Variants in PITPNC1 observed in about 807,000 individuals in gnomAD.
PITPNC1 encodes the protein phosphatidylinositol transfer protein cytoplasmic 1, also known as cytoplasmic phosphatidylinositol transfer protein 1.
A neutral mutation model predicts 44.7 loss-of-function variants in PITPNC1; 18 were observed. The observed-to-expected ratio is 0.40, with a 90% CI of 0.28 to 0.60. PITPNC1 has a LOEUF of 0.60. Among genes scored for constraint, PITPNC1 ranks in the 20% least tolerant of loss-of-function variants. The pLI is 0.39. For missense variants in PITPNC1, 290 were observed against 418.4 expected (o/e 0.69, Z 2.68); for synonymous variants, 141 against 149.6 (o/e 0.94, Z 0.42).
intron 1 of PITPNC1, among the ~76,000 whole-genome samples, chr17:67,465,569 T>G (rs2039414002): frequency 6.6e-6 from 1 of 152,152 alleles, no homozygotes; most frequent in Non-Finnish European, 1.5e-5. Flanking sequence ...TGGTAGGATC[T>G]TCATAGGATC....
Position 67,692,531 on chromosome 17 carries a change from T to C in PITPNC1, c.683-41T>C, listed in dbSNP as rs759665583. ...GTGATGAATCTATTTGCCTCTCTTA[T>C]AAATAACTGCTCGTTTTTCTTTCTG... On this transcript the variant is annotated intron_variant, in intron 8 of 8. Transcript: ENST00000581322. 4.1e-6 allele frequency: 6 copies of C among 1,457,342 alleles called. No homozygotes were observed. In the South Asian group the frequency reaches 4.7e-5, roughly 11 times the overall value. 90.3% of individuals were successfully genotyped at this position (1,457,342 alleles called of 1,614,324 possible).
At chr17:67,599,028 A>ATTTT (rs1415786986) in intron 5 of PITPNC1, among the ~76,000 whole-genome samples, 1 of 32,644 alleles carries the variant, frequency 3.1e-5, no homozygotes, top group African/African-American at 1.3e-4. Flanking sequence ...ATATATATAT[A>ATTTT]TATATATTTT....
chr17:67,405,459 T>TA (rs1445888348), intron 1 of PITPNC1, among the ~76,000 whole-genome samples: 1 of 152,078 alleles, frequency 6.6e-6, no homozygotes, highest in African/African-American at 2.4e-5. Context: ...GATTGTGGCT[T>TA]AAAAAACAAG....
chr17:67,666,622 G>A (rs1437791780), intron 6 of PITPNC1, among the ~76,000 whole-genome samples: 2 of 152,230 alleles, frequency 1.3e-5, no homozygotes, highest in South Asian at 2.1e-4. Flanking sequence ...GGAGGCCACC[G>A]TGGCAGCAGA....
rs116520426 is a variant in PITPNC1 at position 67,455,541 on chromosome 17, G to A, written c.49-77261G>A. 3.4e-3 allele frequency among the ~76,000 whole-genome samples: 520 copies of A among 152,084 alleles called. 1 individual carries two copies. Among genetic ancestry groups the A allele is most frequent in the African/African-American group, 0.012 (501 of 41,496 alleles). On this transcript the variant is annotated intron_variant, in intron 1 of 8. Coordinates refer to ENST00000581322, the MANE Select transcript of PITPNC1 (RefSeq NM_012417.4). The stretch of plus-strand genomic sequence containing the variant: ...GTTCAAGCGATTCTCCTGCCTCAGC[G>A]CCAGAGTAGCTGAGGTTACAGGTGC...
intron 6 of PITPNC1, among the ~76,000 whole-genome samples, chr17:67,655,322 G>A (rs895177626): frequency 5.3e-5 from 8 of 152,016 alleles, no homozygotes; most frequent in African/African-American, 1.9e-4. Context: ...ACTTTGGGAG[G>A]CCAAGATGAG....
chr17:67,625,454 C>T (rs1247528105), intron 5 of PITPNC1, among the ~76,000 whole-genome samples: 1 of 152,160 alleles, frequency 6.6e-6, no homozygotes, highest in East Asian at 1.9e-4. Flanking sequence ...CTGGCAGCTG[C>T]ACCTGCCACC....
At chr17:67,581,213 G>T (rs937196806) in intron 5 of PITPNC1, among the ~76,000 whole-genome samples, 1 of 152,126 alleles carries the variant, frequency 6.6e-6, no homozygotes, top group African/African-American at 2.4e-5. Flanking sequence ...CAGGTTTTTT[G>T]ACTACTCTCC....
intron 1 of PITPNC1, among the ~76,000 whole-genome samples, chr17:67,502,105 T>C (rs1162139935): frequency 5.9e-5 from 9 of 152,200 alleles, no homozygotes; most frequent in Admixed American, 5.9e-4. Flanking sequence ...ATTAGATGTG[T>C]CTTCGTGTTC....
At chr17:67,591,076 G>A (rs951874735) in intron 5 of PITPNC1, among the ~76,000 whole-genome samples, 1 of 152,156 alleles carries the variant, frequency 6.6e-6, no homozygotes, top group African/African-American at 2.4e-5. Context: ...GAAATGATAT[G>A]ATGTGCTGAA....
At chr17:67,450,087 A>G (rs2039154081) in intron 1 of PITPNC1, among the ~76,000 whole-genome samples, 1 of 152,224 alleles carries the variant, frequency 6.6e-6, no homozygotes, top group Non-Finnish European at 1.5e-5. Context: ...CAAGTCACAT[A>G]AACAACACTT....
At chr17:67,389,100 C>A (rs531563306) in intron 1 of PITPNC1, among the ~76,000 whole-genome samples, 2 of 152,304 alleles carry the variant, frequency 1.3e-5, no homozygotes, top group East Asian at 3.9e-4. Context: ...GAGTTGTCTT[C>A]AGGGTTCACA....
At chr17:67,650,079 C>G (rs568251686) in intron 6 of PITPNC1, among the ~76,000 whole-genome samples, 376 of 152,240 alleles carry the variant, frequency 2.5e-3, no homozygotes, top group Admixed American at 8.2e-3. Context: ...TGACCAGAGC[C>G]ATCTTGAGGC....
rs2040139724 is a variant in PITPNC1 at position 67,508,749 on chromosome 17, G to A, written c.49-24053G>A. 6.6e-6 allele frequency among the ~76,000 whole-genome samples: 1 copy of A among 152,116 alleles called. No individual in the cohort carries two copies. The highest frequency in any genetic ancestry group is 2.1e-4 in the South Asian group (1 of 4,826). Reference sequence around the variant, plus strand: ...ATTCATAGAGTCAGAAGGTAGAATGGTGGTTGCCAGGGGCCAGAGGGGAGG... The same window carrying A: ...ATTCATAGAGTCAGAAGGTAGAATGATGGTTGCCAGGGGCCAGAGGGGAGG... On this transcript the variant is annotated intron_variant, in intron 1 of 8. Transcript: ENST00000581322. This position sits in a 1 kb window ranked among gnomAD's most constrained non-coding sequence, Gnocchi z 4.2.
intron 1 of PITPNC1, among the ~76,000 whole-genome samples, chr17:67,496,184 G>T (rs2039949991): frequency 6.6e-6 from 1 of 152,036 alleles, no homozygotes; most frequent in Admixed American, 6.5e-5. Context: ...ACTTAAGATG[G>T]GAAAAAAGAA....
At chr17:67,516,609 TC>T (rs1043511869) in intron 1 of PITPNC1, among the ~76,000 whole-genome samples, 6 of 152,044 alleles carry the variant, frequency 3.9e-5, no homozygotes, top group African/African-American at 1.4e-4. Context: ...GGCAGTGACC[TC>T]CCCGTTCTTT....
At chr17:67,667,504 A>AAAAAAG (rs1183114935) in intron 6 of PITPNC1, among the ~76,000 whole-genome samples, 1 of 151,404 alleles carries the variant, frequency 6.6e-6, no homozygotes, top group Admixed American at 6.6e-5. Context: ...AAAAAAAAAA[A>AAAAAAG]AAAAGTACTG....
chr17:67,630,534 G>C (rs973794002), intron 5 of PITPNC1, among the ~76,000 whole-genome samples: 1 of 152,060 alleles, frequency 6.6e-6, no homozygotes, highest in Non-Finnish European at 1.5e-5. Flanking sequence ...CAGAAGAATG[G>C]CTTGAACCCA....
intron 6 of PITPNC1, among the ~76,000 whole-genome samples, chr17:67,655,116 A>C (rs1432944675): frequency 3.9e-5 from 6 of 152,192 alleles, no homozygotes; most frequent in Non-Finnish European, 7.3e-5. Context: ...GATTTTTTAC[A>C]ATTCCAGAGG....
Sources: gnomAD v4.1 joint callset for allele counts (sites outside exome capture counted in the v4.1 genomes callset) on GRCh38, gnomAD v4.1.1 for gene constraint, Gnocchi (gnomAD v3.1) non-coding constraint, MANE v1.5 for transcripts, NCBI Gene and HGNC (gene_info 2026-07-23, HGNC 2026-07-21) for gene names.